The following SPATA6L variants were observed in gnomAD, a reference collection of about 807,000 sequenced individuals.
SPATA6L encodes the protein spermatogenesis associated 6-like protein.
In SPATA6L, 68 loss-of-function variants were observed where a neutral mutation model predicts 49.2. The ratio of observed to expected loss-of-function variants is 1.38; its 90% CI spans 1.14 to 1.69. The LOEUF (loss-of-function observed/expected upper bound fraction) is 1.69, where lower values mean the gene tolerates loss of function less well. Among genes scored for constraint, SPATA6L ranks in the 40% most tolerant of loss-of-function variants. The pLI, the probability that SPATA6L is intolerant of heterozygous loss-of-function variation, is 0.00. For synonymous variants in SPATA6L, 198 were observed against 165.7 expected, an observed-to-expected ratio of 1.19 and a Z score of -1.50; for missense variants, 668 against 464.3, an observed-to-expected ratio of 1.44 and a Z score of -4.03.
intron 9 of SPATA6L, among the ~76,000 whole-genome samples, chr9:4,617,060 G>C (rs1167123779): frequency 6.6e-6 from 1 of 152,144 alleles, no homozygotes. Flanking sequence ...ACTAAGAAGG[G>C]ATTGCCACTT....
At chr9:4,607,560 G>T (rs1025366041) in intron 9 of SPATA6L, among the ~76,000 whole-genome samples, 1 of 152,124 alleles carries the variant, frequency 6.6e-6, no homozygotes, top group African/African-American at 2.4e-5. Flanking sequence ...CATAAGTGAA[G>T]GAGAAATAAA....
chr9:4,655,421 G>A (rs1262788688), intron 3 of SPATA6L, among the ~76,000 whole-genome samples: 1 of 152,176 alleles, frequency 6.6e-6, no homozygotes, highest in Non-Finnish European at 1.5e-5. Context: ...AATGGGCATA[G>A]GGCCGCTTTT....
chr9:4,646,774 T>C (rs301470), intron 3 of SPATA6L, among the ~76,000 whole-genome samples: 95,780 of 152,016 alleles, frequency 0.63, 32,137 homozygotes, highest in African/African-American at 0.88. Flanking sequence ...CAAGCGTTCA[T>C]GTCTTTTGAA....
intron 4 of SPATA6L, chr9:4,633,711 T>G (rs182698435): frequency 6.5e-6 from 1 of 152,746 alleles, no homozygotes; most frequent in East Asian, 1.9e-4. Context: ...AGGAATAGAT[T>G]GCCAACAGTG....
At position 4,644,685 on chromosome 9, in the gene SPATA6L, TCACACACACACA is replaced by T. The variant is rs59433051; in HGVS notation, c.227-9298_227-9287del. On this transcript the variant is annotated intron_variant, in intron 3 of 11. Transcript: ENST00000682582. The stretch of plus-strand genomic sequence containing the variant: ...CTCTCTCTCTCTCTCTCTCTCTCTC[TCACACACACACA>T]CACACACACACACACACACACACAC... 5.1e-3 allele frequency among the ~76,000 whole-genome samples: 545 copies of T among 107,748 alleles called. 6 individuals are homozygous for T. The highest frequency in any genetic ancestry group is 0.019 in the African/African-American group (502 of 26,142). 70.7% of individuals were successfully genotyped at this position (107,748 alleles called of 152,430 possible).
intron 3 of SPATA6L, among the ~76,000 whole-genome samples, chr9:4,645,196 T>C (rs1037455469): frequency 3.9e-5 from 6 of 152,164 alleles, no homozygotes; most frequent in African/African-American, 7.2e-5. Context: ...GTTAAACAGT[T>C]ACCATATACC....
At chr9:4,603,905 T>G (rs1754310097) in intron 11 of SPATA6L, among the ~76,000 whole-genome samples, 1 of 152,100 alleles carries the variant, frequency 6.6e-6, no homozygotes, top group South Asian at 2.1e-4. Flanking sequence ...AAGCTCCGTG[T>G]TCAAGAAGCT....
intron 7 of SPATA6L, 118 bp downstream of exon 7, chr9:4,622,290 T>A: frequency 1.5e-6 from 1 of 669,454 alleles, no homozygotes; most frequent in South Asian, 1.9e-5. Context: ...TGGAGAGTAC[T>A]TGAGAATTAG....
intron 13 of SPATA6L, among the ~76,000 whole-genome samples, chr9:4,589,563 A>ATAT (rs1391505483): frequency 6.6e-6 from 1 of 152,220 alleles, no homozygotes; most frequent in East Asian, 1.9e-4. Context: ...TTTTTCTATA[A>ATAT]AGTGTCATGT....
rs373717155 is a variant in SPATA6L, at chr9:4,663,308, C to T, written c.40-1272G>A. On this transcript the variant is annotated intron_variant, in intron 1 of 11. Coordinates refer to ENST00000682582, the MANE Select transcript of SPATA6L (RefSeq NM_001353486.2). ...GCACCAGGAAGTCTGAAGGTTTCCACATTCGATGATGTCAACCTAAACCAG... is the reference window on the plus strand; with the variant it reads ...GCACCAGGAAGTCTGAAGGTTTCCATATTCGATGATGTCAACCTAAACCAG... The T allele has an allele frequency of 2.2e-5, 34 of 1,570,022 alleles. 1 individual carries two copies. Among genetic ancestry groups the T allele is most frequent in the Non-Finnish European group, 2.7e-5 (31 of 1,150,750 alleles).
intron 4 of SPATA6L, chr9:4,633,343 A>G (rs577798052): frequency 6.5e-6 from 1 of 153,200 alleles, no homozygotes; most frequent in East Asian, 1.9e-4. Context: ...GTGGTCACCA[A>G]TCTGACCATT....
At chr9:4,604,303 C>A (rs1286601294) in intron 10 of SPATA6L, 34 bp from the exon 11 acceptor site, 4 of 1,399,330 alleles carry the variant, frequency 2.9e-6, no homozygotes, top group Non-Finnish European at 4.0e-6. Context: ...ATTATGTTAC[C>A]CATAACATAA....
At chr9:4,648,765 G>A (rs984844471) in intron 3 of SPATA6L, among the ~76,000 whole-genome samples, 14 of 151,742 alleles carry the variant, frequency 9.2e-5, no homozygotes, top group Non-Finnish European at 2.9e-5. Flanking sequence ...AGATTTTGGT[G>A]CACCCATCAC....
intron 1 of SPATA6L, chr9:4,664,307 T>G (rs1840516871): frequency 6.0e-6 from 1 of 166,914 alleles, no homozygotes; most frequent in South Asian, 2.1e-4. Context: ...GTCTTCTCAA[T>G]GCAAGAACAT....
At chr9:4,652,577 C>T (rs1021974696) in intron 3 of SPATA6L, among the ~76,000 whole-genome samples, 3 of 151,918 alleles carry the variant, frequency 2.0e-5, no homozygotes, top group African/African-American at 7.3e-5. Flanking sequence ...AGGCTGGGTA[C>T]GGTGTCTCAT....
intron 3 of SPATA6L, among the ~76,000 whole-genome samples, chr9:4,644,182 G>GA (rs1834717883): frequency 2.2e-4 from 11 of 49,412 alleles, no homozygotes; most frequent in South Asian, 8.0e-4. Flanking sequence ...TGCCATCTCT[G>GA]CAAAAAAAAA....
intron 7 of SPATA6L, among the ~76,000 whole-genome samples, chr9:4,620,059 G>C (rs935455024): frequency 6.6e-6 from 1 of 152,106 alleles, no homozygotes; most frequent in African/African-American, 2.4e-5. Context: ...TTTAAAGCCA[G>C]GCCATTTTCA....
chr9:4,609,092 C>A (rs1407818546), intron 9 of SPATA6L, among the ~76,000 whole-genome samples: 1 of 150,750 alleles, frequency 6.6e-6, no homozygotes, highest in Non-Finnish European at 1.5e-5. Context: ...CAAGACTAAA[C>A]CAGGAAGAAG....
At chr9:4,604,074 T>C in intron 11 of SPATA6L, 105 bp downstream of exon 11, 1 of 725,550 alleles carries the variant, frequency 1.4e-6, no homozygotes, top group East Asian at 2.7e-5. Flanking sequence ...TCTCCTGTCC[T>C]CCACACTTTC....
Sources: allele counts gnomAD v4.1 joint callset (sites outside exome capture counted in the v4.1 genomes callset), GRCh38; gene constraint gnomAD v4.1.1; transcripts MANE v1.5; gene names NCBI Gene and HGNC (gene_info 2026-07-23, HGNC 2026-07-21).